The following PRKAG2 variants were observed in gnomAD, a reference collection of about 807,000 sequenced individuals.
PRKAG2 encodes the protein 5'-AMP-activated protein kinase subunit gamma-2.
PRKAG2 carries 26 observed loss-of-function variants against 69.6 expected under a neutral mutation model. The ratio of observed to expected loss-of-function variants is 0.37; its 90% confidence interval spans 0.27 to 0.52. The LOEUF (loss-of-function observed/expected upper bound fraction) is 0.52. PRKAG2 is among the 20% of genes least tolerant of loss of function. The probability of loss-of-function intolerance (pLI) is 0.90; values close to 1 mark genes in which losing one functional copy is unlikely to be tolerated. For synonymous variants in PRKAG2, 293 were observed against 285.0 expected (o/e 1.03, Z -0.28); for missense variants, 557 against 740.0 (o/e 0.75, Z 2.87).
At chr7:151,598,292 G>A (rs986129445) in intron 5 of PRKAG2, among the ~76,000 whole-genome samples, 2 of 152,146 alleles carry the variant, frequency 1.3e-5, no homozygotes, top group African/African-American at 4.8e-5. Flanking sequence ...GTTACCAGAG[G>A]CTGGGGAGGG....
chr7:151,576,652 C>A (rs941390157), intron 6 of PRKAG2, among the ~76,000 whole-genome samples, 200 bp from the exon 7 acceptor site: 3 of 152,186 alleles, frequency 2.0e-5, no homozygotes, highest in African/African-American at 7.2e-5. Flanking sequence ...AGGCATGTGC[C>A]ACCATGCCCG....
intron 6 of PRKAG2, among the ~76,000 whole-genome samples, chr7:151,587,830 C>G (rs1812061216): frequency 6.6e-6 from 1 of 152,102 alleles, no homozygotes; most frequent in Admixed American, 6.6e-5. Context: ...TATGCAAAAA[C>G]TAAGGAAATC....
intron 1 of PRKAG2, among the ~76,000 whole-genome samples, chr7:151,795,600 C>T (rs987288298): frequency 4.6e-5 from 7 of 151,974 alleles, no homozygotes; most frequent in East Asian, 1.9e-4. Flanking sequence ...CTGCCGTGGG[C>T]GTATTTGCAG....
intron 1 of PRKAG2, among the ~76,000 whole-genome samples, chr7:151,845,824 G>T (rs1159870248): frequency 1.3e-5 from 2 of 152,180 alleles, no homozygotes; most frequent in Admixed American, 6.5e-5. Context: ...CCAGCTCATC[G>T]GAGCCACCAG....
At chr7:151,580,413 C>T (rs963531421) in intron 6 of PRKAG2, among the ~76,000 whole-genome samples, 7 of 151,986 alleles carry the variant, frequency 4.6e-5, no homozygotes, top group African/African-American at 7.3e-5. Context: ...TGCACAGAAC[C>T]GTAGGAGGGA....
chr7:151,844,204 G>A (rs929780371), intron 1 of PRKAG2, among the ~76,000 whole-genome samples: 7 of 152,302 alleles, frequency 4.6e-5, no homozygotes, highest in African/African-American at 1.7e-4. Flanking sequence ...GTGTCCCTCA[G>A]AGACTGGTCA....
Position 151,557,246 on chromosome 7 carries a change from G to A in PRKAG2, c.1679-14C>T, listed in dbSNP as rs1803943848. The stretch of plus-strand genomic sequence containing the variant: ...TTTGTTTGGCACCTGTCAGTGGATG[G>A]AAGATGAAAGTTTCAAAGCTCATGG... On this transcript the variant is annotated splice_polypyrimidine_tract_variant and intron_variant, in intron 15 of 15. Transcript: ENST00000287878. 2 of 1,614,028 alleles carry A rather than the reference G, an allele frequency of 1.2e-6. No homozygotes were observed. The highest frequency in any genetic ancestry group is 8.5e-7 in the Non-Finnish European group (1 of 1,179,940).
intron 4 of PRKAG2, among the ~76,000 whole-genome samples, chr7:151,641,628 T>C (rs912159456): frequency 4.0e-5 from 6 of 151,718 alleles, no homozygotes; most frequent in African/African-American, 1.5e-4. Flanking sequence ...CACTGTAACC[T>C]TGAACTCCTG....
At position 151,716,096 on chromosome 7, in the gene PRKAG2, CGCT is replaced by C. The variant is rs553691013; in HGVS notation, c.467-40462_467-40460del. 2.3e-3 allele frequency among the ~76,000 whole-genome samples: 352 copies of C among 152,236 alleles called. 1 individual carries two copies. Among genetic ancestry groups the C allele is most frequent in the African/African-American group, 8.1e-3 (336 of 41,530 alleles). On this transcript the variant is annotated intron_variant, in intron 3 of 15. Coordinates refer to ENST00000287878, the MANE Select transcript of PRKAG2 (RefSeq NM_016203.4). The stretch of plus-strand genomic sequence containing the variant: ...GCAGAGGACACACAGGGCTTCAGTA[CGCT>C]CTTTTCTCTTTGATAAGTGCTGGAG...
chr7:151,621,444 AGGCTGATGT>A (rs1821458096), intron 5 of PRKAG2, among the ~76,000 whole-genome samples: 1 of 152,162 alleles, frequency 6.6e-6, no homozygotes. Flanking sequence ...GCACTTCGGG[AGGCTGATGT>A]GGAAGGATGG....
intron 5 of PRKAG2, among the ~76,000 whole-genome samples, chr7:151,601,392 G>C (rs1330963185): frequency 6.6e-6 from 1 of 152,110 alleles, no homozygotes; most frequent in Non-Finnish European, 1.5e-5. Flanking sequence ...TGAATGATCA[G>C]TATCTTACTC....
At chr7:151,858,289 C>T (rs1407710460) in intron 1 of PRKAG2, among the ~76,000 whole-genome samples, 1 of 152,240 alleles carries the variant, frequency 6.6e-6, no homozygotes, top group African/African-American at 2.4e-5. Context: ...CAGCACCCTG[C>T]CAGCCTCGGC....
chr7:151,840,551 T>C (rs948535266), intron 1 of PRKAG2, among the ~76,000 whole-genome samples: 1 of 152,130 alleles, frequency 6.6e-6, no homozygotes, highest in Non-Finnish European at 1.5e-5. Flanking sequence ...CCTGCAGTCC[T>C]GAGACTACAG....
In PRKAG2 at chr7:151,617,517, T is replaced by C. The variant is rs532087234; in HGVS notation, c.754+14552A>G. On this transcript the variant is annotated intron_variant, in intron 5 of 15. Transcript: ENST00000287878. ...TTCATATGTTTGGAAATTTTCATAA[T>C]ACAATTTTGAAACAAAAAATATCAT... is the stretch of plus-strand genomic sequence containing the variant. Among the ~76,000 whole-genome samples, 8 of 152,346 alleles carry C rather than the reference T, an allele frequency of 5.3e-5. 1 individual carries two copies. Among genetic ancestry groups the C allele is most frequent in the African/African-American group, 1.9e-4 (8 of 41,582 alleles).
chr7:151,731,376 AG>A (rs1308246629), intron 3 of PRKAG2, among the ~76,000 whole-genome samples: 2 of 152,206 alleles, frequency 1.3e-5, no homozygotes, highest in African/African-American at 4.8e-5. Flanking sequence ...CAGAGCTTCC[AG>A]GGGGCTCTGT....
intron 4 of PRKAG2, among the ~76,000 whole-genome samples, chr7:151,646,529 C>A (rs1827592012): frequency 6.6e-6 from 1 of 152,094 alleles, no homozygotes; most frequent in African/African-American, 2.4e-5. Flanking sequence ...AACCTTGTAT[C>A]CTGTGACCTT....
At chr7:151,653,175 C>T (rs1828827258) in intron 4 of PRKAG2, among the ~76,000 whole-genome samples, 1 of 149,248 alleles carries the variant, frequency 6.7e-6, no homozygotes, top group African/African-American at 2.6e-5. Flanking sequence ...TTCTATAAAC[C>T]AAGAGGTCCT....
Position 151,839,397 on chromosome 7 carries a change from A to C in PRKAG2, c.114+37110T>G, listed in dbSNP as rs149495014. Among the ~76,000 whole-genome samples, 1,508 of 152,302 alleles carry C rather than the reference A, an allele frequency of 9.9e-3. 80 individuals carry two copies. Among genetic ancestry groups the C allele is most frequent in the Admixed American group, 0.087 (1,327 of 15,282 alleles). The stretch of plus-strand genomic sequence containing the variant: ...TCCGCAGCCCCTGCCGTCCAGCCCT[A>C]ACCCTGACCTCTTTAGGCCTCAGTT... On this transcript the variant is annotated intron_variant, in intron 1 of 15. Coordinates refer to ENST00000287878, the MANE Select transcript of PRKAG2 (RefSeq NM_016203.4).
chr7:151,848,586 G>A (rs1005371666), intron 1 of PRKAG2, among the ~76,000 whole-genome samples: 7 of 135,154 alleles, frequency 5.2e-5, no homozygotes, highest in East Asian at 2.5e-4. Context: ...GGGCAGTGGC[G>A]CAATCTTGGC....
Sources: allele counts gnomAD v4.1 joint callset (sites outside exome capture counted in the v4.1 genomes callset), GRCh38; gene constraint gnomAD v4.1.1; transcripts MANE v1.5; gene names NCBI Gene and HGNC (gene_info 2026-07-23, HGNC 2026-07-21).